RALGPS1: variants seen among roughly 807,000 people sequenced by gnomAD.
RALGPS1 encodes Ral GEF with PH domain and SH3 binding motif 1, also known as ras-specific guanine nucleotide-releasing factor RalGPS1.
RALGPS1 carries 19 observed loss-of-function variants against 78.8 expected under a neutral mutation model. That is an observed-to-expected ratio of 0.24 (90% CI 0.17 to 0.35). The LOEUF (loss-of-function observed/expected upper bound fraction) is 0.35, where lower values mean the gene tolerates loss of function less well. RALGPS1 is among the 10% of genes least tolerant of loss of function. The pLI is 1.00. For missense variants in RALGPS1, 454 were observed against 688.3 expected, an observed-to-expected ratio of 0.66 and a Z score of 3.81; for synonymous variants, 228 against 256.3, an observed-to-expected ratio of 0.89 and a Z score of 1.06.
At chr9:127,036,270 G>A (rs2134734323) in intron 5 of RALGPS1, among the ~76,000 whole-genome samples, 1 of 152,340 alleles carries the variant, frequency 6.6e-6, no homozygotes, top group Admixed American at 6.5e-5. Context: ...TTGAAAATTG[G>A]CCAGAGGCCA....
chr9:126,916,828 A>G (rs2034217114), intron 1 of RALGPS1, among the ~76,000 whole-genome samples: 1 of 152,124 alleles, frequency 6.6e-6, no homozygotes, highest in Non-Finnish European at 1.5e-5. Context: ...AAAGAAGGCA[A>G]TGCCTGACTC....
At chr9:127,049,996 A>C in intron 5 of RALGPS1, 47 bp from the exon 6 acceptor site, 1 of 1,425,346 alleles carries the variant, frequency 7.0e-7, no homozygotes, top group Non-Finnish European at 9.9e-7. Flanking sequence ...GCAATTAACA[A>C]CTTTTCTGGT....
Position 127,025,585 on chromosome 9 carries a change from T to G in RALGPS1, c.217-8846T>G, listed in dbSNP as rs2045894342. Among the ~76,000 whole-genome samples the G allele has an allele frequency of 2.0e-5, 3 of 152,346 alleles. No individual in the cohort carries two copies. The South Asian group carries it at 6.2e-4, about 32-fold the overall frequency. Reference sequence around the variant, plus strand: ...TGATTGAATTAAATGTGGTGTCCATTGTCATTTAGTTTGCATTTCCCTACT... The same window carrying G: ...TGATTGAATTAAATGTGGTGTCCATGGTCATTTAGTTTGCATTTCCCTACT... On this transcript the variant is annotated intron_variant, in intron 4 of 18. Transcript: ENST00000259351.
chr9:127,049,779 G>A (rs1469780636), intron 5 of RALGPS1, among the ~76,000 whole-genome samples: 2 of 152,162 alleles, frequency 1.3e-5, no homozygotes, highest in African/African-American at 2.4e-5. Flanking sequence ...GAGGCCCAGC[G>A]CTCCCTGGGA....
chr9:127,197,411 C>T (rs2061403137), intron 13 of RALGPS1, among the ~76,000 whole-genome samples: 1 of 150,438 alleles, frequency 6.6e-6, no homozygotes, highest in Admixed American at 6.7e-5. Flanking sequence ...CTTCCCTTAG[C>T]AGGGAGTCCT....
At chr9:127,199,252 T>C (rs1320262430) in intron 14 of RALGPS1, among the ~76,000 whole-genome samples, 186 bp downstream of exon 14, 1 of 152,064 alleles carries the variant, frequency 6.6e-6, no homozygotes, top group South Asian at 2.1e-4. Context: ...GGATGGTTGC[T>C]GGGGCCCCAG....
At chr9:126,943,304 G>A (rs553360918) in intron 1 of RALGPS1, among the ~76,000 whole-genome samples, 1 of 151,922 alleles carries the variant, frequency 6.6e-6, no homozygotes, top group Non-Finnish European at 1.5e-5. Context: ...CACCACGCCC[G>A]GCTAATTTTT....
At chr9:127,043,511 GA>G (rs1198799606) in intron 5 of RALGPS1, among the ~76,000 whole-genome samples, 1 of 151,990 alleles carries the variant, frequency 6.6e-6, no homozygotes, top group East Asian at 1.9e-4. Flanking sequence ...ACTTTTAGGA[GA>G]AAACGTAGAA....
chr9:127,124,337 A>G (rs1442167140), intron 8 of RALGPS1, among the ~76,000 whole-genome samples: 1 of 152,202 alleles, frequency 6.6e-6, no homozygotes, highest in African/African-American at 2.4e-5. Flanking sequence ...GGCCACACAC[A>G]GTGTAGGTCC....
At chr9:127,176,090 G>C (rs2059855595) in intron 11 of RALGPS1, among the ~76,000 whole-genome samples, 1 of 152,080 alleles carries the variant, frequency 6.6e-6, no homozygotes, top group African/African-American at 2.4e-5. Flanking sequence ...GCACCCCTGG[G>C]GGCCTCTGAT....
chr9:127,048,184 T>G (rs2047982565), intron 5 of RALGPS1, among the ~76,000 whole-genome samples: 1 of 151,966 alleles, frequency 6.6e-6, no homozygotes, highest in Non-Finnish European at 1.5e-5. Flanking sequence ...CTGGTCTTTT[T>G]CTCCCTCCCC....
intron 4 of RALGPS1, among the ~76,000 whole-genome samples, chr9:127,004,917 A>T (rs2043691518): frequency 6.6e-6 from 1 of 152,206 alleles, no homozygotes; most frequent in South Asian, 2.1e-4. Flanking sequence ...ACTCAGATTT[A>T]CCCTAATACA....
At chr9:127,073,677 G>A (rs1390606131) in intron 8 of RALGPS1, among the ~76,000 whole-genome samples, 1 of 151,998 alleles carries the variant, frequency 6.6e-6, no homozygotes, top group Non-Finnish European at 1.5e-5. Context: ...TCGCTATACT[G>A]TTTTCTGCAG....
chr9:127,150,732 C>T (rs2058369081), intron 8 of RALGPS1, among the ~76,000 whole-genome samples: 1 of 152,218 alleles, frequency 6.6e-6, no homozygotes, highest in African/African-American at 2.4e-5. Flanking sequence ...CAAAGAAAGG[C>T]GTTCATCCTC....
At chr9:127,155,161 A>G (rs1436157020) in intron 8 of RALGPS1, among the ~76,000 whole-genome samples, 2 of 152,170 alleles carry the variant, frequency 1.3e-5, no homozygotes, top group Admixed American at 6.5e-5. Context: ...CCACTGAGCA[A>G]TAGAATTTCA....
chr9:127,166,214 C>A lies in RALGPS1; in HGVS notation c.748+8C>A, dbSNP rs778523316. On this transcript the variant is annotated splice_region_variant and intron_variant, in intron 9 of 18. Transcript: ENST00000259351. ...AAGTTTCCTGCAGCTATGGTTAGTA[C>A]CCTTGTTGTTAGAATTGTGAAATCT... 6.2e-6 allele frequency: 10 copies of A among 1,611,738 alleles called. No homozygotes were observed. The highest frequency in any genetic ancestry group is 8.5e-6 in the Non-Finnish European group (10 of 1,179,418).
chr9:126,936,716 C>T (rs544611709), intron 1 of RALGPS1, among the ~76,000 whole-genome samples: 1 of 151,886 alleles, frequency 6.6e-6, no homozygotes, highest in South Asian at 2.1e-4. Context: ...TTTTCAAACA[C>T]GTGAGGACAC....
At chr9:126,995,754 A>G (rs1485621533) in intron 4 of RALGPS1, among the ~76,000 whole-genome samples, 5 of 152,142 alleles carry the variant, frequency 3.3e-5, no homozygotes, top group African/African-American at 1.2e-4. Context: ...CACCACACCT[A>G]CTCCAAAACT....
chr9:127,196,149 C>A (rs1475656546), intron 12 of RALGPS1, among the ~76,000 whole-genome samples: 3 of 152,262 alleles, frequency 2.0e-5, no homozygotes, highest in African/African-American at 7.2e-5. Flanking sequence ...AGCAGACATC[C>A]TGGCCACAGG....
Sources: allele counts gnomAD v4.1 joint callset (sites outside exome capture counted in the v4.1 genomes callset), GRCh38; gene constraint gnomAD v4.1.1; transcripts MANE v1.5; gene names NCBI Gene and HGNC (gene_info 2026-07-23, HGNC 2026-07-21).